The following KCTD16 variants were observed in gnomAD, a reference collection of about 807,000 sequenced individuals.
KCTD16 encodes BTB/POZ domain-containing protein KCTD16.
A neutral mutation model predicts 33.2 loss-of-function variants in KCTD16; 13 were observed. The ratio of observed to expected loss-of-function variants is 0.39; its 90% CI spans 0.25 to 0.62. The LOEUF (loss-of-function observed/expected upper bound fraction) is 0.62, where lower values mean the gene tolerates loss of function less well. Among genes scored for constraint, KCTD16 ranks in the 20% least tolerant of loss-of-function variants. The pLI, the probability that KCTD16 is intolerant of heterozygous loss-of-function variation, is 0.50. For synonymous variants in KCTD16, 197 were observed against 195.3 expected (o/e 1.01, Z -0.07); for missense variants, 441 against 525.1 (o/e 0.84, Z 1.57).
chr5:144,291,102 A>G (rs762400703), intron 3 of KCTD16, among the ~76,000 whole-genome samples: 22 of 152,180 alleles, frequency 1.4e-4, no homozygotes, highest in Non-Finnish European at 2.5e-4. Flanking sequence ...GCATCAATAT[A>G]TGAGTTAACA....
At chr5:144,461,157 G>A (rs570340799) in intron 3 of KCTD16, among the ~76,000 whole-genome samples, 7 of 152,110 alleles carry the variant, frequency 4.6e-5, no homozygotes, top group Admixed American at 2.0e-4. Context: ...GTTTTCCACC[G>A]GGCTGCTCTA....
At chr5:144,322,249 G>T (rs1260150724) in intron 3 of KCTD16, among the ~76,000 whole-genome samples, 1 of 152,184 alleles carries the variant, frequency 6.6e-6, no homozygotes, top group Non-Finnish European at 1.5e-5. Flanking sequence ...CTATCTACCT[G>T]CCTAGCATCC....
At position 144,474,053 on chromosome 5, in the gene KCTD16, A is replaced by C; in HGVS notation, c.1226A>C (p.Asp409Ala). 1 of 1,613,852 alleles carries C rather than the reference A, an allele frequency of 6.2e-7. No homozygotes were observed. Among genetic ancestry groups the C allele is most frequent in the Non-Finnish European group, 8.5e-7 (1 of 1,179,952 alleles). ...IQDFLKIKIPDRFPERKHPWQ... is the reference protein window; with the variant it reads ...IQDFLKIKIPARFPERKHPWQ... The stretch of plus-strand genomic sequence containing the variant: ...GATTTCCTAAAAATCAAAATTCCAG[A>C]TCGGTTTCCTGAGAGAAAACATCCT... Residue 409 changes from aspartate to alanine, a missense_variant, in exon 4 of 4, where the codon GAT becomes GCT. Asp to Ala is a moderately radical substitution (Grantham distance 126). Coordinates refer to ENST00000512467, the MANE Select transcript of KCTD16 (RefSeq NM_020768.4).
chr5:144,177,665 C>CT (rs1444127085), intron 2 of KCTD16, among the ~76,000 whole-genome samples: 6 of 152,160 alleles, frequency 3.9e-5, no homozygotes, highest in Non-Finnish European at 7.3e-5. Context: ...CCACATTTCC[C>CT]TTTTTTAAGA....
intron 3 of KCTD16, among the ~76,000 whole-genome samples, chr5:144,335,866 T>C (rs1330619541): frequency 2.0e-5 from 3 of 152,158 alleles, no homozygotes; most frequent in Non-Finnish European, 4.4e-5. Flanking sequence ...TGAAGAGTCA[T>C]GCTGAGAAAA....
chr5:144,265,368 C>T (rs1441528037), intron 3 of KCTD16, among the ~76,000 whole-genome samples: 1 of 152,186 alleles, frequency 6.6e-6, no homozygotes, highest in Non-Finnish European at 1.5e-5. Context: ...ATCTCCCTCT[C>T]TAAGGATTTC....
chr5:144,203,603 T>G (rs1753092708), intron 2 of KCTD16, among the ~76,000 whole-genome samples: 1 of 152,206 alleles, frequency 6.6e-6, no homozygotes, highest in Admixed American at 6.5e-5. Flanking sequence ...TAATTTTTCT[T>G]ACTCTGTTTC....
Position 144,456,951 on chromosome 5 carries a change from A to G in KCTD16, c.833-16709A>G, listed in dbSNP as rs189778012. ...TATTTAAATATCTGAAAGGTGGGGG[A>G]ACACAGAAATGTTTTAAATAAAATA... On this transcript the variant is annotated intron_variant, in intron 3 of 3. Transcript: ENST00000512467. 2.3e-3 allele frequency among the ~76,000 whole-genome samples: 345 copies of G among 152,296 alleles called. 1 individual carries two copies. Among genetic ancestry groups the G allele is most frequent in the African/African-American group, 8.0e-3 (334 of 41,562 alleles).
In KCTD16 at chr5:144,402,344, C is replaced by T. The variant is rs76947520; in HGVS notation, c.833-71316C>T. 2.0e-3 allele frequency among the ~76,000 whole-genome samples: 299 copies of T among 152,282 alleles called. 5 individuals carry two copies. The East Asian group carries it at 0.055, about 28-fold the overall frequency. On this transcript the variant is annotated intron_variant, in intron 3 of 3. Transcript: ENST00000512467. ...CTTAGGTGGCCAGGGAAGCAATGAT[C>T]GCTTCCTTTGTGTGAAGACAAATTA...
intron 3 of KCTD16, among the ~76,000 whole-genome samples, chr5:144,282,645 G>T (rs937257212): frequency 6.6e-6 from 1 of 152,190 alleles, no homozygotes; most frequent in South Asian, 2.1e-4. Flanking sequence ...GTTTAGTGTT[G>T]TGTTGAGTGG....
At chr5:144,257,328 A>G (rs1754876599) in intron 3 of KCTD16, among the ~76,000 whole-genome samples, 1 of 152,158 alleles carries the variant, frequency 6.6e-6, no homozygotes, top group African/African-American at 2.4e-5. Context: ...GACAAGATCA[A>G]CCACTTTTGA....
At chr5:144,210,245 G>A (rs1753340615) in intron 3 of KCTD16, among the ~76,000 whole-genome samples, 1 of 152,050 alleles carries the variant, frequency 6.6e-6, no homozygotes, top group African/African-American at 2.4e-5. Flanking sequence ...TTTTCAGTGT[G>A]TGTTTTGTTA....
chr5:144,361,470 T>C (rs1183996088), intron 3 of KCTD16, among the ~76,000 whole-genome samples: 1 of 152,204 alleles, frequency 6.6e-6, no homozygotes, highest in East Asian at 1.9e-4. Flanking sequence ...AGTTGCAAAG[T>C]AACGATTCAG....
chr5:144,411,105 A>G (rs1464347486), intron 3 of KCTD16, among the ~76,000 whole-genome samples: 1 of 152,204 alleles, frequency 6.6e-6, no homozygotes, highest in Admixed American at 6.5e-5. Context: ...AAATGACACT[A>G]CTAACAAAAG....
intron 3 of KCTD16, among the ~76,000 whole-genome samples, chr5:144,257,097 TTATG>T (rs575021642): frequency 4.5e-4 from 68 of 152,368 alleles, no homozygotes; most frequent in Admixed American, 3.3e-3. Context: ...TTTGAATTAC[TTATG>T]TATGTATCTG....
At chr5:144,235,367 A>T (rs1754222320) in intron 3 of KCTD16, among the ~76,000 whole-genome samples, 2 of 152,052 alleles carry the variant, frequency 1.3e-5, no homozygotes, top group Admixed American at 1.3e-4. Context: ...TTAACCAGGG[A>T]GTTTGAATGA....
intron 2 of KCTD16, among the ~76,000 whole-genome samples, chr5:144,203,006 A>AAG (rs1753078210): frequency 6.6e-6 from 1 of 152,140 alleles, no homozygotes; most frequent in Non-Finnish European, 1.5e-5. Flanking sequence ...GCCTTTCCTG[A>AAG]GAGGTTCTGC....
At chr5:144,372,825 G>A (rs753713642) in intron 3 of KCTD16, among the ~76,000 whole-genome samples, 8 of 152,336 alleles carry the variant, frequency 5.3e-5, no homozygotes, top group Non-Finnish European at 8.8e-5. Context: ...CAGGCCCTTT[G>A]GAGGGCTGTT....
At chr5:144,336,373 G>A (rs923283666) in intron 3 of KCTD16, among the ~76,000 whole-genome samples, 3 of 152,168 alleles carry the variant, frequency 2.0e-5, no homozygotes, top group Non-Finnish European at 4.4e-5. Flanking sequence ...AGACTGGAAC[G>A]GGCTGTGCAC....
Sources: allele counts gnomAD v4.1 joint callset (sites outside exome capture counted in the v4.1 genomes callset), GRCh38; gene constraint gnomAD v4.1.1; transcripts MANE v1.5; gene names NCBI Gene and HGNC (gene_info 2026-07-23, HGNC 2026-07-21).